Variants in SLC25A13 observed in about 807,000 individuals in gnomAD.
SLC25A13 encodes electrogenic aspartate/glutamate antiporter SLC25A13, mitochondrial.
SLC25A13 carries 70 observed loss-of-function variants against 85.5 expected under a neutral mutation model. The ratio of observed to expected loss-of-function variants is 0.82; its 90% CI spans 0.68 to 1.00. The LOEUF (loss-of-function observed/expected upper bound fraction) is 1.00, where lower values mean the gene tolerates loss of function less well. Among genes scored for constraint, SLC25A13 ranks in the 50% least tolerant of loss-of-function variants. The pLI, the probability that SLC25A13 is intolerant of heterozygous loss-of-function variation, is 0.00. For missense variants in SLC25A13, 765 were observed against 819.8 expected (o/e 0.93, Z 0.82); for synonymous variants, 259 against 288.7 (o/e 0.90, Z 1.04).
At chr7:96,166,675 ATTTT>A (rs1270775473) in intron 13 of SLC25A13, among the ~76,000 whole-genome samples, 1 of 152,142 alleles carries the variant, frequency 6.6e-6, no homozygotes, top group African/African-American at 2.4e-5. Flanking sequence ...TACATACATT[ATTTT>A]TTATTTTTTT....
chr7:96,305,618 T>A (rs1432161798), intron 1 of SLC25A13, among the ~76,000 whole-genome samples: 1 of 152,196 alleles, frequency 6.6e-6, no homozygotes, highest in Non-Finnish European at 1.5e-5. Context: ...TGGGGCTATG[T>A]TCCTGATGGG....
chr7:96,305,316 T>C (rs1799704369), intron 1 of SLC25A13, among the ~76,000 whole-genome samples: 2 of 152,230 alleles, frequency 1.3e-5, no homozygotes, highest in South Asian at 4.1e-4. Flanking sequence ...ATGGAGACAC[T>C]GGACAACATT....
intron 9 of SLC25A13, among the ~76,000 whole-genome samples, chr7:96,185,732 T>C (rs1490311271): frequency 6.6e-6 from 1 of 150,948 alleles, no homozygotes; most frequent in Non-Finnish European, 1.5e-5. Flanking sequence ...CTACTAAAAA[T>C]ACAAAAAAAA....
In SLC25A13 at chr7:96,257,416, A is replaced by C. The variant is rs1797681442; in HGVS notation, c.212+19780T>G. ...TGATCCCACAGAAATACAAACTACC[A>C]TCAGAGAATATTATAAACACTTCCA... On this transcript the variant is annotated intron_variant, in intron 3 of 17. Transcript: ENST00000265631. 2.0e-5 allele frequency among the ~76,000 whole-genome samples: 3 copies of C among 152,342 alleles called. No homozygotes were observed. The South Asian group carries it at 6.2e-4, about 32-fold the overall frequency.
intron 1 of SLC25A13, among the ~76,000 whole-genome samples, chr7:96,321,417 C>G (rs982030776): frequency 6.6e-6 from 1 of 152,220 alleles, no homozygotes; most frequent in African/African-American, 2.4e-5. Flanking sequence ...AAGGCGCAGA[C>G]CAAGTCTCCT....
chr7:96,124,080 G>A (rs1028670223), intron 15 of SLC25A13, among the ~76,000 whole-genome samples: 1 of 152,144 alleles, frequency 6.6e-6, no homozygotes, highest in African/African-American at 2.4e-5. Context: ...CCACCTCTGT[G>A]ACAGGAGTAA....
At chr7:96,270,148 T>C (rs1798181947) in intron 3 of SLC25A13, among the ~76,000 whole-genome samples, 1 of 152,242 alleles carries the variant, frequency 6.6e-6, no homozygotes, top group South Asian at 2.1e-4. Context: ...GAAATAAGTA[T>C]ATCAGGTAAT....
At position 96,277,243 on chromosome 7, in the gene SLC25A13, T is replaced by C. The variant is rs945380705; in HGVS notation, c.165A>G (p.Pro55=). The change falls in exon 3 of 18, where the codon CCA becomes CCG. Residue 55 remains proline (P), a synonymous_variant. Transcript: ENST00000265631. ...LNIFGESQPN[P]KTVELLSGVV... is the part of the protein sequence containing the mutation. Reference sequence around the variant, plus strand: ...CTCCACTTAAAAGTTCCACAGTCTTTGGATTAGGCTGGCTTTCTCCAAAAA... The same window carrying C: ...CTCCACTTAAAAGTTCCACAGTCTTCGGATTAGGCTGGCTTTCTCCAAAAA... 6.8e-6 allele frequency: 11 copies of C among 1,609,980 alleles called. No individual in the cohort carries two copies. The Admixed American group carries it at 1.3e-4, about 20-fold the overall frequency.
At chr7:96,241,273 C>A (rs1796988220) in intron 3 of SLC25A13, among the ~76,000 whole-genome samples, 1 of 152,148 alleles carries the variant, frequency 6.6e-6, no homozygotes, top group East Asian at 1.9e-4. Context: ...CCTCTTTACT[C>A]CTCAGCCACC....
intron 2 of SLC25A13, 115 bp from the exon 3 acceptor site, chr7:96,277,453 A>T (rs945434781): frequency 1.1e-5 from 11 of 965,914 alleles, no homozygotes; most frequent in African/African-American, 1.6e-5. Context: ...ATCAGATATG[A>T]TCATGTACGC....
At chr7:96,273,383 A>G (rs1327758281) in intron 3 of SLC25A13, among the ~76,000 whole-genome samples, 1 of 152,220 alleles carries the variant, frequency 6.6e-6, no homozygotes. Flanking sequence ...AGGTGAACAC[A>G]CCAGATCTGC....
Position 96,234,777 on chromosome 7 carries a change from ACGTGCACAGAAG to A in SLC25A13, c.328+13_328+24del, listed in dbSNP as rs1244649062. The A allele has an allele frequency of 6.5e-7, 1 of 1,542,028 alleles. No individual in the cohort carries two copies. Among genetic ancestry groups the A allele is most frequent in the Admixed American group, 1.7e-5 (1 of 59,924 alleles). On this transcript the variant is annotated intron_variant, in intron 4 of 17. Transcript: ENST00000265631. ...CTCACACAAGTCCACACTTACACAGACGTGCACAGAAGCATGCTTCTTACCAAAAGTTACTTC... is the reference window on the plus strand; with the variant it reads ...CTCACACAAGTCCACACTTACACAGACATGCTTCTTACCAAAAGTTACTTC...
At chr7:96,304,331 T>C (rs1238278755) in intron 1 of SLC25A13, among the ~76,000 whole-genome samples, 1 of 152,210 alleles carries the variant, frequency 6.6e-6, no homozygotes, top group Non-Finnish European at 1.5e-5. Context: ...CACTGGGTAA[T>C]TACATCAGCG....
chr7:96,231,704 A>G (rs1796547049), intron 4 of SLC25A13, among the ~76,000 whole-genome samples: 1 of 151,936 alleles, frequency 6.6e-6, no homozygotes, highest in African/African-American at 2.4e-5. Context: ...AACCTGGGTG[A>G]CAGAGTGAGA....
At chr7:96,277,490 G>T in intron 2 of SLC25A13, 152 bp from the exon 3 acceptor site, 1 of 736,512 alleles carries the variant, frequency 1.4e-6, no homozygotes, top group Non-Finnish European at 2.1e-6. Context: ...TCTCCCAACA[G>T]TTCAAAGAAA....
chr7:96,278,043 T>G (rs938406594), intron 2 of SLC25A13, among the ~76,000 whole-genome samples: 1 of 152,146 alleles, frequency 6.6e-6, no homozygotes, highest in Non-Finnish European at 1.5e-5. Context: ...AAGAATTAGG[T>G]GGCAAACAAC....
rs528410767 is a variant in SLC25A13, at chr7:96,127,778, T to C, written c.1591+3965A>G. Among the ~76,000 whole-genome samples the C allele has an allele frequency of 2.6e-5, 4 of 152,348 alleles. No individual in the cohort carries two copies. The East Asian group carries it at 7.7e-4, about 29-fold the overall frequency. ...TAAGTTAGAGGCCAACAATTATTCA[T>C]TGTAGTTGCCTGAAACTCCATCTAA... On this transcript the variant is annotated intron_variant, in intron 15 of 17. Coordinates refer to ENST00000265631, the MANE Select transcript of SLC25A13 (RefSeq NM_014251.3).
chr7:96,284,285 C>G (rs955792074), intron 2 of SLC25A13, among the ~76,000 whole-genome samples: 3 of 152,042 alleles, frequency 2.0e-5, no homozygotes, highest in African/African-American at 7.2e-5. Flanking sequence ...TCTTCCTACA[C>G]AAAGATCACA....
At chr7:96,219,106 A>G (rs902880059) in intron 4 of SLC25A13, among the ~76,000 whole-genome samples, 2 of 152,162 alleles carry the variant, frequency 1.3e-5, no homozygotes, top group African/African-American at 2.4e-5. Flanking sequence ...AATCACAGCT[A>G]AGGGTCTGAA....
Sources: allele counts gnomAD v4.1 joint callset (sites outside exome capture counted in the v4.1 genomes callset), GRCh38; gene constraint gnomAD v4.1.1; transcripts MANE v1.5; gene names NCBI Gene and HGNC (gene_info 2026-07-23, HGNC 2026-07-21).